RDX: variants seen among roughly 807,000 people sequenced by gnomAD.
RDX encodes radixin.
A neutral mutation model predicts 83.7 loss-of-function variants in RDX; 32 were observed. The observed-to-expected ratio is 0.38, with a 90% confidence interval of 0.29 to 0.51. The LOEUF (loss-of-function observed/expected upper bound fraction) is 0.51, where lower values mean the gene tolerates loss of function less well. RDX is among the 20% of genes least tolerant of loss of function. The pLI is 0.87. For missense variants in RDX, 600 were observed against 689.9 expected (o/e 0.87, Z 1.46); for synonymous variants, 229 against 222.7 (o/e 1.03, Z -0.25).
chr11:110,272,383 T>G (rs1860341295), intron 3 of RDX, among the ~76,000 whole-genome samples, 153 bp downstream of exon 3: 1 of 152,246 alleles, frequency 6.6e-6, no homozygotes, highest in African/African-American at 2.4e-5. Context: ...ATATCCCTAC[T>G]GCTGTAGTAG....
At chr11:110,202,884 C>T (rs1223052107) in intron 14 of RDX, among the ~76,000 whole-genome samples, 1 of 152,058 alleles carries the variant, frequency 6.6e-6, no homozygotes, top group Non-Finnish European at 1.5e-5. Context: ...CAGGTAATAA[C>T]AAATGCTGGT....
intron 14 of RDX, among the ~76,000 whole-genome samples, chr11:110,218,002 CAT>C (rs149156755): frequency 0.013 from 2,042 of 152,286 alleles, 28 homozygotes; most frequent in South Asian, 0.062. Context: ...GAATGAATAA[CAT>C]TATTTGAATG....
chr11:110,290,222 A>C (rs1472363756), intron 1 of RDX, among the ~76,000 whole-genome samples: 3 of 152,102 alleles, frequency 2.0e-5, no homozygotes, highest in Non-Finnish European at 4.4e-5. Flanking sequence ...TAACTTATAC[A>C]CACTACTGTG....
At chr11:110,268,523 T>C (rs895576533) in intron 3 of RDX, among the ~76,000 whole-genome samples, 14 of 152,054 alleles carry the variant, frequency 9.2e-5, no homozygotes, top group African/African-American at 1.7e-4. Context: ...GGAGTAGTAA[T>C]GTACAGGTCA....
At chr11:110,178,477 A>C (rs574227976) in intron 15 of RDX, among the ~76,000 whole-genome samples, 2 of 152,282 alleles carry the variant, frequency 1.3e-5, no homozygotes, top group South Asian at 2.1e-4. Flanking sequence ...CTATTACATC[A>C]GTTGGCTTCT....
At chr11:110,204,792 G>A (rs772058058) in intron 14 of RDX, among the ~76,000 whole-genome samples, 2 of 152,164 alleles carry the variant, frequency 1.3e-5, no homozygotes, top group Non-Finnish European at 2.9e-5. Context: ...TGGGATTACA[G>A]GCGTGAGCTA....
At chr11:110,219,424 G>A (rs1221435332) in intron 14 of RDX, among the ~76,000 whole-genome samples, 2 of 152,218 alleles carry the variant, frequency 1.3e-5, no homozygotes, top group Non-Finnish European at 2.9e-5. Context: ...TTGAGCACAA[G>A]TGACATGGTC....
chr11:110,241,360 G>A (rs1266897492), intron 10 of RDX, among the ~76,000 whole-genome samples: 1 of 151,752 alleles, frequency 6.6e-6, no homozygotes, highest in Non-Finnish European at 1.5e-5. Context: ...GCAGTGGCAC[G>A]ATCTCAGCTC....
downstream of RDX, among the ~76,000 whole-genome samples, chr11:110,228,944 T>G (rs1864521209): frequency 6.6e-6 from 1 of 151,954 alleles, no homozygotes; most frequent in South Asian, 2.1e-4. Context: ...AATCTAGCTT[T>G]TACTATTTTT....
chr11:110,210,240 C>A (rs188090814), intron 14 of RDX, among the ~76,000 whole-genome samples: 35,012 of 107,116 alleles, frequency 0.33, 6,257 homozygotes, highest in East Asian at 0.49. Flanking sequence ...GGGTATCAGC[C>A]ATGGAAGATG....
intron 14 of RDX, among the ~76,000 whole-genome samples, chr11:110,202,444 G>T (rs1231494549): frequency 6.6e-6 from 1 of 151,826 alleles, no homozygotes; most frequent in Admixed American, 6.6e-5. Flanking sequence ...TTTTAGACAG[G>T]GTTTTGCTCT....
chr11:110,279,490 C>A (rs74538492), intron 2 of RDX, among the ~76,000 whole-genome samples, 191 bp downstream of exon 2: 11 of 152,124 alleles, frequency 7.2e-5, no homozygotes, highest in Non-Finnish European at 5.9e-5. Context: ...GGTCCCACTG[C>A]GCTCCAGCCT....
At chr11:110,255,964 T>C (rs1162407428) in intron 7 of RDX, among the ~76,000 whole-genome samples, 1 of 152,170 alleles carries the variant, frequency 6.6e-6, no homozygotes, top group Non-Finnish European at 1.5e-5. Context: ...CATACATAAA[T>C]ATTTGGATAA....
At chr11:110,183,648 T>C (rs1391515128) in intron 15 of RDX, among the ~76,000 whole-genome samples, 1 of 152,222 alleles carries the variant, frequency 6.6e-6, no homozygotes, top group Non-Finnish European at 1.5e-5. Flanking sequence ...TTAAGCCTGG[T>C]GAAGCCATTA....
At chr11:110,244,999 C>G (rs1304346471) in intron 10 of RDX, among the ~76,000 whole-genome samples, 2 of 147,396 alleles carry the variant, frequency 1.4e-5, no homozygotes, top group Non-Finnish European at 3.0e-5. Context: ...GAGTCTCGCT[C>G]TGTCATCCAG....
At chr11:110,272,728 A>T in intron 2 of RDX, 109 bp from the exon 3 acceptor site, 1 of 764,102 alleles carries the variant, frequency 1.3e-6, no homozygotes, top group Non-Finnish European at 2.2e-6. Flanking sequence ...AATCACAAGA[A>T]ATCTTAAATC....
chr11:110,286,516 T>C (rs769124880), intron 1 of RDX, among the ~76,000 whole-genome samples: 4 of 152,240 alleles, frequency 2.6e-5, no homozygotes, highest in Non-Finnish European at 5.9e-5. Context: ...ACCTGTCAGG[T>C]GGTAAAACAG....
chr11:110,236,292 T>C (rs563971013), intron 11 of RDX, 101 bp from the exon 12 acceptor site: 13 of 827,900 alleles, frequency 1.6e-5, no homozygotes, highest in Non-Finnish European at 2.5e-5. Flanking sequence ...TTTATGTTTT[T>C]CTTAGCCTTC....
intron 2 of RDX, among the ~76,000 whole-genome samples, chr11:110,278,586 G>A (rs943732287): frequency 3.3e-5 from 5 of 151,666 alleles, no homozygotes; most frequent in Non-Finnish European, 5.9e-5. Context: ...ATACAATCTT[G>A]CATCTGGCAA....
Sources: gnomAD v4.1 joint callset for allele counts (sites outside exome capture counted in the v4.1 genomes callset) on GRCh38, gnomAD v4.1.1 for gene constraint, MANE v1.5 for transcripts, NCBI Gene and HGNC (gene_info 2026-07-23, HGNC 2026-07-21) for gene names.